The following RGS6 variants were observed in gnomAD, a reference collection of about 807,000 sequenced individuals.
The protein encoded by RGS6 is regulator of G-protein signaling 6.
RGS6 carries 30 observed loss-of-function variants against 78.5 expected under a neutral mutation model. That is an observed-to-expected ratio of 0.38 (90% confidence interval 0.29 to 0.52). RGS6 has a LOEUF of 0.52. Among genes scored for constraint, RGS6 ranks in the 20% least tolerant of loss-of-function variants. RGS6 has a pLI of 0.85. For synonymous variants in RGS6, 206 were observed against 206.0 expected (o/e 1.00, Z 0.00); for missense variants, 495 against 609.7 (o/e 0.81, Z 1.98).
chr14:72,206,718 A>G (rs1252799332), intron 2 of RGS6, among the ~76,000 whole-genome samples: 1 of 152,154 alleles, frequency 6.6e-6, no homozygotes, highest in Non-Finnish European at 1.5e-5. Flanking sequence ...ATTCGCTATC[A>G]TGAGAACAAT....
chr14:72,620,103 G>C, the RGS6 span: 1 of 1,035,180 alleles, frequency 9.7e-7, no homozygotes, highest in Non-Finnish European at 1.3e-6. Flanking sequence ...CCCCTTTCCA[G>C]GCCCCACTTG....
chr14:72,087,193 C>T (rs529625041), intron 2 of RGS6, among the ~76,000 whole-genome samples: 52 of 152,230 alleles, frequency 3.4e-4, no homozygotes, highest in African/African-American at 1.2e-3. Flanking sequence ...TGCAGTGCCA[C>T]GATCTTAGCT....
chr14:71,972,332 G>A (rs1181771272), intron 2 of RGS6, among the ~76,000 whole-genome samples: 1 of 126,344 alleles, frequency 7.9e-6, no homozygotes, highest in Non-Finnish European at 1.7e-5. Context: ...TACTAGCCAG[G>A]GGTTTCTGAG....
At chr14:72,244,245 T>G (rs1391461302) in intron 2 of RGS6, among the ~76,000 whole-genome samples, 1 of 131,572 alleles carries the variant, frequency 7.6e-6, no homozygotes. Context: ...ATGCTTTTGT[T>G]TTTTATTTGT....
intron 12 of RGS6, among the ~76,000 whole-genome samples, chr14:72,479,500 C>T (rs1324849713): frequency 6.6e-6 from 1 of 152,224 alleles, no homozygotes; most frequent in African/African-American, 2.4e-5. Flanking sequence ...AAAATGTCTC[C>T]AGACATTGCC....
chr14:72,248,573 C>A (rs1233435725), intron 2 of RGS6, among the ~76,000 whole-genome samples: 2 of 152,208 alleles, frequency 1.3e-5, no homozygotes, highest in Non-Finnish European at 2.9e-5. Flanking sequence ...TTGAGAACTT[C>A]TATCTTAGGC....
intron 2 of RGS6, among the ~76,000 whole-genome samples, chr14:72,311,835 C>G (rs1262987826): frequency 6.6e-6 from 1 of 152,192 alleles, no homozygotes; most frequent in South Asian, 2.1e-4. Context: ...AGTATCACTT[C>G]TGATGGGAAA....
intron 2 of RGS6, among the ~76,000 whole-genome samples, chr14:71,982,027 C>G (rs896730051): frequency 1.3e-5 from 2 of 151,618 alleles, no homozygotes; most frequent in African/African-American, 4.9e-5. Flanking sequence ...GCGCAGTATT[C>G]GGGTGGGAGT....
chr14:72,290,206 G>C (rs1055548832), intron 2 of RGS6, among the ~76,000 whole-genome samples: 1 of 152,152 alleles, frequency 6.6e-6, no homozygotes, highest in Non-Finnish European at 1.5e-5. Context: ...ACTGATCTCC[G>C]AGTTCAAGCG....
chr14:71,882,350 ATG>A, the RGS6 span, among the ~76,000 whole-genome samples: 1 of 152,294 alleles, frequency 6.6e-6, no homozygotes, highest in African/African-American at 2.4e-5. Flanking sequence ...TTATCCATTC[ATG>A]TGTTGATGTG....
chr14:72,481,756 T>C lies in RGS6; in HGVS notation c.854+3427T>C, dbSNP rs537746672. 3.0e-4 allele frequency among the ~76,000 whole-genome samples: 46 copies of C among 152,072 alleles called. 1 individual carries two copies. The highest frequency in any genetic ancestry group is 6.2e-4 in the South Asian group (3 of 4,818). ...TGTATTGTCTCTGCACACACACACA[T>C]GAGTGTCTCAGATAAATGACACTTA... On this transcript the variant is annotated intron_variant, in intron 12 of 17. Transcript: ENST00000553525.
chr14:72,049,606 C>G (rs2093097569), intron 2 of RGS6, among the ~76,000 whole-genome samples: 1 of 152,184 alleles, frequency 6.6e-6, no homozygotes, highest in Admixed American at 6.5e-5. Context: ...GTGGACATGT[C>G]ACTGCCAACA....
At chr14:72,583,663 C>A in the RGS6 span, among the ~76,000 whole-genome samples, 1 of 152,310 alleles carries the variant, frequency 6.6e-6, no homozygotes, top group East Asian at 1.9e-4. Context: ...CTGGCTCAGC[C>A]TTCTTCTTGG....
intron 3 of RGS6, among the ~76,000 whole-genome samples, chr14:72,394,926 A>G (rs2090843835): frequency 6.6e-6 from 1 of 152,206 alleles, no homozygotes; most frequent in South Asian, 2.1e-4. Flanking sequence ...TAAAAGTATT[A>G]ATTTGGGGAA....
intron 2 of RGS6, among the ~76,000 whole-genome samples, chr14:72,270,006 A>G (rs554352663): frequency 1.3e-5 from 2 of 152,350 alleles, no homozygotes; most frequent in East Asian, 1.9e-4. Context: ...GGATACAACA[A>G]AAAGCTAGAA....
In RGS6 at chr14:71,932,531, GCCGAGGGAACGGACAGACCT is replaced by G. The variant is rs966758372; in HGVS notation, c.-427_-408del. On this transcript the variant is annotated 5_prime_UTR_variant, in exon 1 of 18. Transcript: ENST00000553525. The stretch of plus-strand genomic sequence containing the variant: ...CCTACAGCCGCCGGAGCCGCCAGGC[GCCGAGGGAACGGACAGACCT>G]CCGCGCACCCTTGCCGACCGGGGCG... The G allele has an allele frequency of 6.6e-6, 1 of 152,062 alleles. No individual in the cohort carries two copies. 9.4% of individuals were successfully genotyped at this position (152,062 alleles called of 1,614,324 possible).
At chr14:72,152,245 AGTGTGT>A (rs10686344) in intron 2 of RGS6, among the ~76,000 whole-genome samples, 4,576 of 97,140 alleles carry the variant, frequency 0.047, 85 homozygotes, top group Middle Eastern at 0.083. Context: ...AGAGAGAGAG[AGTGTGT>A]GTGTGTGTGT....
intron 2 of RGS6, among the ~76,000 whole-genome samples, chr14:72,027,549 C>T (rs1221395820): frequency 6.6e-6 from 1 of 152,094 alleles, no homozygotes; most frequent in Non-Finnish European, 1.5e-5. Flanking sequence ...CCTGTTGTAG[C>T]CCAGTGACAG....
chr14:72,154,750 C>T lies in RGS6; in HGVS notation c.84+189875C>T, dbSNP rs113949228. ...TAGCCTTCCTTATTTTTTGCAAATG[C>T]CTGTCCCCAGTGGTTCTGTTGTTTG... On this transcript the variant is annotated intron_variant, in intron 2 of 17. Coordinates refer to ENST00000553525, the MANE Select transcript of RGS6 (RefSeq NM_001204424.2). 4.4e-3 allele frequency among the ~76,000 whole-genome samples: 676 copies of T among 152,300 alleles called. 2 individuals are homozygous for T. The highest frequency in any genetic ancestry group is 0.015 in the African/African-American group (631 of 41,560).
Sources: allele counts gnomAD v4.1 joint callset (sites outside exome capture counted in the v4.1 genomes callset), GRCh38; gene constraint gnomAD v4.1.1; transcripts MANE v1.5; gene names NCBI Gene and HGNC (gene_info 2026-07-23, HGNC 2026-07-21).